The following AUH variants were observed in gnomAD, a reference collection of about 807,000 sequenced individuals.
AUH encodes the protein AU RNA binding methylglutaconyl-CoA hydratase, also known as methylglutaconyl-CoA hydratase, mitochondrial.
A neutral mutation model predicts 42.3 loss-of-function variants in AUH; 29 were observed. That is an observed-to-expected ratio of 0.69 (90% CI 0.51 to 0.93). The LOEUF (loss-of-function observed/expected upper bound fraction) is 0.93, where lower values mean the gene tolerates loss of function less well. AUH is among the 40% of genes least tolerant of loss of function. The pLI is 0.00. For synonymous variants in AUH, 174 were observed against 166.4 expected (o/e 1.05, Z -0.35); for missense variants, 452 against 438.1 (o/e 1.03, Z -0.28).
chr9:91,296,224 G>C (rs1827322086), intron 5 of AUH, 147 bp from the exon 6 acceptor site: 1 of 806,374 alleles, frequency 1.2e-6, no homozygotes, highest in Non-Finnish European at 2.0e-6. Flanking sequence ...AAAAGGCATT[G>C]TTATGGAAAT....
intron 7 of AUH, 53 bp downstream of exon 7, chr9:91,220,752 T>C: frequency 6.3e-7 from 1 of 1,595,944 alleles, no homozygotes; most frequent in Non-Finnish European, 8.6e-7. Context: ...TTAGTCAAAG[T>C]GTTATAATGT....
chr9:91,279,058 T>C (rs1025011233), intron 6 of AUH, among the ~76,000 whole-genome samples: 22 of 152,240 alleles, frequency 1.4e-4, no homozygotes, highest in African/African-American at 4.6e-4. Flanking sequence ...GGTGTATATA[T>C]GCCAAAACTT....
At chr9:91,325,440 G>T in intron 3 of AUH, 36 bp from the exon 4 acceptor site, 1 of 1,578,958 alleles carries the variant, frequency 6.3e-7, no homozygotes, top group East Asian at 2.2e-5. Context: ...TAATCTAGTT[G>T]TAAACAAAAT....
chr9:91,353,636 G>A (rs950192970), intron 3 of AUH, among the ~76,000 whole-genome samples: 2 of 151,586 alleles, frequency 1.3e-5, no homozygotes, highest in East Asian at 2.0e-4. Flanking sequence ...TCAGGAGATC[G>A]AGACCATCCT....
chr9:91,236,898 T>C (rs1295464443), intron 6 of AUH, among the ~76,000 whole-genome samples: 1 of 152,008 alleles, frequency 6.6e-6, no homozygotes, highest in African/African-American at 2.4e-5. Flanking sequence ...ACCCAAAAGC[T>C]CCAATCAATT....
chr9:91,235,239 C>T lies in AUH; in HGVS notation c.656-14247G>A, dbSNP rs569274446. ...AAATCAGAACAGGGTGCCCAGTAGG[C>T]AGCTACTGCTGTCACCCAAGTACAA... is the stretch of plus-strand genomic sequence containing the variant. On this transcript the variant is annotated intron_variant, in intron 6 of 9. Transcript: ENST00000375731. Among the ~76,000 whole-genome samples the T allele has an allele frequency of 1.9e-4, 29 of 152,242 alleles. No homozygotes were observed. In the East Asian group the frequency reaches 3.1e-3, roughly 16 times the overall value.
chr9:91,226,511 C>T (rs1425042559), intron 6 of AUH, among the ~76,000 whole-genome samples: 5 of 151,524 alleles, frequency 3.3e-5, no homozygotes, highest in Non-Finnish European at 5.9e-5. Context: ...TGCCTGTTCA[C>T]TCTGATGGTA....
intron 6 of AUH, among the ~76,000 whole-genome samples, chr9:91,234,027 A>C (rs985633502): frequency 8.5e-5 from 13 of 152,364 alleles, no homozygotes; most frequent in Admixed American, 5.2e-4. Context: ...GTGGAGCTCC[A>C]ACAAGCTCAG....
At chr9:91,290,873 T>C (rs1457633828) in intron 6 of AUH, among the ~76,000 whole-genome samples, 1 of 152,198 alleles carries the variant, frequency 6.6e-6, no homozygotes, top group African/African-American at 2.4e-5. Flanking sequence ...AACCCCCATC[T>C]GTCCCCAAAA....
At chr9:91,345,946 C>A (rs1831475628) in intron 3 of AUH, among the ~76,000 whole-genome samples, 1 of 151,464 alleles carries the variant, frequency 6.6e-6, no homozygotes, top group Non-Finnish European at 1.5e-5. Context: ...GTTGGTCTGA[C>A]AAATGGTGCT....
intron 6 of AUH, among the ~76,000 whole-genome samples, chr9:91,228,350 T>C (rs1827648808): frequency 6.6e-6 from 1 of 151,756 alleles, no homozygotes. Flanking sequence ...TAGAGGTGTT[T>C]GTAGTATTCT....
chr9:91,331,273 T>C (rs1368076843), intron 3 of AUH, among the ~76,000 whole-genome samples: 1 of 152,218 alleles, frequency 6.6e-6, no homozygotes, highest in African/African-American at 2.4e-5. Flanking sequence ...GTGGTGACCA[T>C]GTCACAATAT....
intron 1 of AUH, 134 bp from the exon 2 acceptor site, chr9:91,356,289 G>T (rs1328790739): frequency 5.3e-6 from 4 of 754,934 alleles, no homozygotes; most frequent in Non-Finnish European, 9.1e-6. Flanking sequence ...CCCTTCAATC[G>T]ATCTCTTCTT....
intron 4 of AUH, among the ~76,000 whole-genome samples, chr9:91,308,978 G>A (rs1382874740): frequency 6.6e-6 from 1 of 151,724 alleles, no homozygotes; most frequent in Non-Finnish European, 1.5e-5. Flanking sequence ...TTTTAGCAGC[G>A]ATGGGGTTTC....
intron 6 of AUH, among the ~76,000 whole-genome samples, chr9:91,295,488 A>G (rs555873384): frequency 6.6e-6 from 1 of 152,336 alleles, no homozygotes; most frequent in Non-Finnish European, 1.5e-5. Flanking sequence ...CGCATGCTAC[A>G]GAGAAATCTC....
chr9:91,258,477 C>T (rs893379690), intron 6 of AUH, among the ~76,000 whole-genome samples: 13 of 152,274 alleles, frequency 8.5e-5, no homozygotes, highest in Non-Finnish European at 1.5e-4. Flanking sequence ...TCAGGTGATC[C>T]ACCCGCCATG....
intron 7 of AUH, chr9:91,218,734 A>G: frequency 1.0e-6 from 1 of 984,124 alleles, no homozygotes; most frequent in African/African-American, 1.7e-5. Flanking sequence ...TCTCAGATAA[A>G]TGGAAGTAAT....
chr9:91,270,752 A>G (rs1465043783), intron 6 of AUH, among the ~76,000 whole-genome samples: 1 of 152,134 alleles, frequency 6.6e-6, no homozygotes, highest in African/African-American at 2.4e-5. Context: ...GTAGCAATGC[A>G]CCCACCAAAA....
chr9:91,269,270 C>T (rs559638574), intron 6 of AUH, among the ~76,000 whole-genome samples: 55 of 152,366 alleles, frequency 3.6e-4, no homozygotes, highest in East Asian at 1.5e-3. Context: ...TGAGCCACCA[C>T]GCCAAGCCAG....
Sources: allele counts gnomAD v4.1 joint callset (sites outside exome capture counted in the v4.1 genomes callset), GRCh38; gene constraint gnomAD v4.1.1; transcripts MANE v1.5; gene names NCBI Gene and HGNC (gene_info 2026-07-23, HGNC 2026-07-21).